ACTN2: variants seen among roughly 807,000 people sequenced by gnomAD.
ACTN2 encodes the protein actinin alpha 2.
In ACTN2, 39 loss-of-function variants were observed where a neutral mutation model predicts 113.8. The ratio of observed to expected loss-of-function variants is 0.34; its 90% CI spans 0.27 to 0.45. The LOEUF (loss-of-function observed/expected upper bound fraction) is 0.45, where lower values mean the gene tolerates loss of function less well. Ranked by LOEUF, ACTN2 falls within the 20% of genes least tolerant of loss-of-function variation. ACTN2 has a pLI of 1.00. For missense variants in ACTN2, 992 were observed against 1,177.9 expected (o/e 0.84, Z 2.31); for synonymous variants, 429 against 444.1 (o/e 0.97, Z 0.43).
chr1:236,748,736 C>T (rs1052562835), intron 13 of ACTN2, among the ~76,000 whole-genome samples: 2 of 152,170 alleles, frequency 1.3e-5, no homozygotes, highest in African/African-American at 2.4e-5. Flanking sequence ...GACTCTAAAA[C>T]GTGGAAGATG....
At chr1:236,729,149 A>G (rs1572123384) in intron 6 of ACTN2, among the ~76,000 whole-genome samples, 1 of 151,568 alleles carries the variant, frequency 6.6e-6, no homozygotes, top group Non-Finnish European at 1.5e-5. Context: ...GGCAGGTGAA[A>G]CCCTGCCTCT....
In ACTN2 at chr1:236,763,742, C is replaced by G. The variant is rs1218634309; in HGVS notation, c.*1123C>G. 1.3e-5 allele frequency: 2 copies of G among 152,182 alleles called. No individual in the cohort carries two copies. The highest frequency in any genetic ancestry group is 4.8e-5 in the African/African-American group (2 of 41,438). 9.4% of individuals were successfully genotyped at this position (152,182 alleles called of 1,614,324 possible). A position where few individuals can be genotyped will look rare whatever the true frequency, so the allele number is the denominator to read the frequency against. ...GTGTGTGTTCACCCCTGGGATTGGA[C>G]AGTGTATCCTAACAAGTCCCATGTC... On this transcript the variant is annotated 3_prime_UTR_variant, in exon 21 of 21. Coordinates refer to ENST00000366578, the MANE Select transcript of ACTN2 (RefSeq NM_001103.4).
chr1:236,759,647 T>A, intron 18 of ACTN2, 77 bp from the exon 19 acceptor site: 1 of 1,259,332 alleles, frequency 7.9e-7, no homozygotes, highest in Non-Finnish European at 1.2e-6. Flanking sequence ...TCTTACCAGA[T>A]CTTTGTTCAG....
At chr1:236,718,843 A>G in intron 2 of ACTN2, 51 bp from the exon 3 acceptor site, 1 of 1,613,822 alleles carries the variant, frequency 6.2e-7, no homozygotes, top group African/African-American at 1.3e-5. Flanking sequence ...TTGATTCCGC[A>G]TCAAGAGGTC....
intron 5 of ACTN2, 147 bp downstream of exon 5, chr1:236,726,167 C>A: frequency 1.3e-6 from 1 of 745,040 alleles, no homozygotes; most frequent in Admixed American, 2.1e-5. Context: ...ATTCTTGATG[C>A]TTAAAGTCTC....
chr1:236,717,993 CCTATGCTTT>C, intron 2 of ACTN2, 21 bp downstream of exon 2: 1 of 1,558,240 alleles, frequency 6.4e-7, no homozygotes, highest in Non-Finnish European at 8.8e-7. Flanking sequence ...TATATCCCAT[CCTATGCTTT>C]CATGTGTTAT....
At chr1:236,739,923 C>G (rs1262313554) in intron 10 of ACTN2, among the ~76,000 whole-genome samples, 1 of 152,158 alleles carries the variant, frequency 6.6e-6, no homozygotes, top group East Asian at 1.9e-4. Context: ...CCCTCTCTTC[C>G]ACATTGTCAC....
intron 7 of ACTN2, chr1:236,734,548 A>T: frequency 6.9e-7 from 1 of 1,447,762 alleles, no homozygotes; most frequent in Non-Finnish European, 9.3e-7. Context: ...GTCACTGCTC[A>T]CCCTTCACCT....
At chr1:236,707,050 T>C (rs1657846192) in intron 1 of ACTN2, among the ~76,000 whole-genome samples, 1 of 152,238 alleles carries the variant, frequency 6.6e-6, no homozygotes, top group Non-Finnish European at 1.5e-5. Flanking sequence ...ATTTTAAGGC[T>C]CTTTGGACAT....
At chr1:236,760,370 T>C (rs1572151401) in intron 19 of ACTN2, among the ~76,000 whole-genome samples, 1 of 152,242 alleles carries the variant, frequency 6.6e-6, no homozygotes, top group South Asian at 2.1e-4. Context: ...TACTGAGATA[T>C]AACTCACGTA....
At chr1:236,694,176 T>C (rs548961027) in intron 1 of ACTN2, among the ~76,000 whole-genome samples, 15 of 152,222 alleles carry the variant, frequency 9.9e-5, no homozygotes, top group South Asian at 6.2e-4. Context: ...CTGTGCCTCA[T>C]TGGACTCACA....
At chr1:236,699,015 T>C (rs1025750058) in intron 1 of ACTN2, among the ~76,000 whole-genome samples, 5 of 152,220 alleles carry the variant, frequency 3.3e-5, no homozygotes. Flanking sequence ...AATAGTTCTC[T>C]CCTATAATTG....
intron 17 of ACTN2, 60 bp downstream of exon 17, chr1:236,755,258 A>G: frequency 6.3e-7 from 1 of 1,597,894 alleles, no homozygotes; most frequent in African/African-American, 1.3e-5. Context: ...CCACCTCCTC[A>G]GGGTGCTTTC....
rs1659771139 is a variant in ACTN2 at position 236,763,629 on chromosome 1, G to C, written c.*1010G>C. 6.6e-6 allele frequency: 1 copy of C among 152,234 alleles called. No homozygotes were observed. The highest frequency in any genetic ancestry group is 1.5e-5 in the Non-Finnish European group (1 of 68,058). 9.4% of individuals were successfully genotyped at this position (152,234 alleles called of 1,614,324 possible). A position where few individuals can be genotyped will look rare whatever the true frequency, so the allele number is the denominator to read the frequency against. On this transcript the variant is annotated 3_prime_UTR_variant, in exon 21 of 21. Transcript: ENST00000366578. ...TAGAGTAGGAGAGGACTAATTCTCA[G>C]CAGCAGTGGAGGTGAGTTCTTTCTT...
At chr1:236,747,576 A>C (rs1012281374) in intron 12 of ACTN2, 91 bp from the exon 13 acceptor site, 2 of 1,173,836 alleles carry the variant, frequency 1.7e-6, no homozygotes, top group African/African-American at 3.1e-5. Context: ...TTTTGTTTTT[A>C]AACTTCCCTG....
chr1:236,744,809 C>A, intron 12 of ACTN2, 33 bp downstream of exon 12: 2 of 1,613,682 alleles, frequency 1.2e-6, no homozygotes, highest in Non-Finnish European at 1.7e-6. Context: ...CTCCCGGGAG[C>A]CCCTGGGATT....
chr1:236,717,864 A>G lies in ACTN2; in HGVS notation c.133A>G (p.Thr45Ala), dbSNP rs1658267493. 1 of 1,613,474 alleles carries G rather than the reference A, an allele frequency of 6.2e-7. No individual in the cohort carries two copies. The highest frequency in any genetic ancestry group is 8.5e-7 in the Non-Finnish European group (1 of 1,179,468). ...TGTTTGGTTTTCTTTGCAGACCTTC[A>G]CTGCCTGGTGTAACTCCCACCTAAG... The part of the protein sequence containing the change: ...AWEKQQRKTF[T>A]AWCNSHLRKA... The change falls in exon 2 of 21, where the codon ACT (threonine) becomes GCT (alanine). Residue 45 changes from threonine to alanine, a missense_variant. Physicochemically the swap from Thr to Ala is moderately conservative, Grantham distance 58. This residue lies in a region of ACTN2 where 220 missense variants were observed against 337.5 expected (regional missense o/e 0.65). Coordinates refer to ENST00000366578, the MANE Select transcript of ACTN2 (RefSeq NM_001103.4).
At chr1:236,741,111 C>G (rs914339916) in intron 10 of ACTN2, among the ~76,000 whole-genome samples, 1 of 151,854 alleles carries the variant, frequency 6.6e-6, no homozygotes, top group Non-Finnish European at 1.5e-5. Flanking sequence ...GTGGCACAAT[C>G]ACAGCTCACT....
rs755148449 is a variant in ACTN2, at chr1:236,720,112, T to C, written c.369T>C (p.Val123=). The C allele has an allele frequency of 6.2e-7, 1 of 1,609,304 alleles. No homozygotes were observed. Among genetic ancestry groups the C allele is most frequent in the South Asian group, 1.1e-5 (1 of 90,986 alleles). ...KLVSIGAEEI[V]DGNVKMTLGM... Reference sequence around the variant, plus strand: ...TTGTTTTCTTACCTGCAGAAATTGTTGATGGCAACGTGAAAATGACCCTGG... The same window carrying C: ...TTGTTTTCTTACCTGCAGAAATTGTCGATGGCAACGTGAAAATGACCCTGG... Residue 123 remains valine (V), a synonymous_variant, in exon 4 of 21, where the codon GTT becomes GTC. Coordinates refer to ENST00000366578, the MANE Select transcript of ACTN2 (RefSeq NM_001103.4).
Sources: gnomAD v4.1 joint callset for allele counts (sites outside exome capture counted in the v4.1 genomes callset) on GRCh38, gnomAD v4.1.1 for gene constraint, gnomAD v4.1.1 regional missense constraint, MANE v1.5 for transcripts, NCBI Gene and HGNC (gene_info 2026-07-23, HGNC 2026-07-21) for gene names.